The following SEPTIN12 variants were observed in gnomAD, a reference collection of about 807,000 sequenced individuals.
SEPTIN12 encodes septin 12, also known as septin-12.
Under a neutral mutation model 37.7 loss-of-function variants are expected in SEPTIN12, and 42 were observed. That is an observed-to-expected ratio of 1.11 (90% CI 0.87 to 1.44). The LOEUF is 1.44. Ranked by LOEUF, SEPTIN12 falls within the 40% of genes most tolerant of loss-of-function variation. The pLI is 0.00. For missense variants in SEPTIN12, 613 were observed against 479.2 expected, an observed-to-expected ratio of 1.28 and a Z score of -2.61; for synonymous variants, 254 against 196.7, an observed-to-expected ratio of 1.29 and a Z score of -2.44.
intron 4 of SEPTIN12, chr16:4,785,569 T>G: frequency 2.0e-5 from 9 of 456,204 alleles, no homozygotes; most frequent in East Asian, 3.9e-5. Context: ...AGGTCAGGAG[T>G]TCAAGACCAG....
At chr16:4,789,752 C>T (rs1012972731), upstream of SEPTIN12, among the ~76,000 whole-genome samples, 10 of 152,090 alleles carry the variant, frequency 6.6e-5, no homozygotes, top group African/African-American at 2.2e-4. Context: ...AACCACCATG[C>T]CCAGCCTGAT....
At position 4,777,854 on chromosome 16, in the gene SEPTIN12, G is replaced by A. The variant is rs566866658; in HGVS notation, c.1020C>T (p.Thr340=). 2.5e-6 allele frequency: 4 copies of A among 1,596,838 alleles called. No individual in the cohort carries two copies. Among genetic ancestry groups the A allele is most frequent in the East Asian group, 4.5e-5 (2 of 44,264 alleles). The part of the protein sequence containing the change: ...LAPASPGQLT[T]PRTFKVCRGA... Reference sequence around the variant, plus strand: ...CCCTGCAGACCTTGAAGGTCCGGGGGGTGGTCAGCTGTCCTGGGGAGGCCG... The same window carrying A: ...CCCTGCAGACCTTGAAGGTCCGGGGAGTGGTCAGCTGTCCTGGGGAGGCCG... Residue 340 remains threonine (T), a synonymous_variant, in exon 10 of 10, where the codon ACC becomes ACT. Transcript: ENST00000268231.
At chr16:4,778,911 G>A (rs866896203) in intron 8 of SEPTIN12, among the ~76,000 whole-genome samples, 1 of 151,648 alleles carries the variant, frequency 6.6e-6, no homozygotes, top group African/African-American at 2.4e-5. Flanking sequence ...AGGCCGAGGC[G>A]GGCAGATCAC....
upstream of SEPTIN12, chr16:4,788,421 A>G (rs1050247653): frequency 2.0e-5 from 3 of 152,604 alleles, no homozygotes; most frequent in African/African-American, 7.2e-5. Flanking sequence ...CCCCACCTGG[A>G]GGCTTCTCTG....
chr16:4,783,097 C>A (rs544706328), intron 7 of SEPTIN12, among the ~76,000 whole-genome samples: 52 of 151,838 alleles, frequency 3.4e-4, no homozygotes, highest in African/African-American at 1.2e-3. Flanking sequence ...TTGGCAGAGA[C>A]AAGGTTTCAC....
At chr16:4,790,402 C>T (rs184151342), upstream of SEPTIN12, among the ~76,000 whole-genome samples, 2 of 152,194 alleles carry the variant, frequency 1.3e-5, no homozygotes, top group African/African-American at 4.8e-5. Flanking sequence ...GAGCCCCAGG[C>T]CGACTTCTGC....
Position 4,777,798 on chromosome 16 carries a change from C to A in SEPTIN12, c.1076G>T (p.Ter359LeuextTer35). 3 of 1,545,778 alleles carry A rather than the reference C, an allele frequency of 1.9e-6. No homozygotes were observed. The highest frequency in any genetic ancestry group is 2.5e-5 in the South Asian group (2 of 81,528). Residue 359 changes from the stop codon to leucine (L), a stop_lost, in exon 10 of 10, where the codon TGA becomes TTA. Transcript: ENST00000268231. ...AGCAGCCCCGGGATCCGCCGGTGGT[C>A]AGAACTCATCATCAGAATCGTCATG... Reference protein sequence around the residue: ...GAHDDSDDEF* With the variant: ...GAHDDSDDEFL
chr16:4,791,342 A>G (rs998524076), upstream of SEPTIN12, among the ~76,000 whole-genome samples: 2 of 152,190 alleles, frequency 1.3e-5, no homozygotes, highest in Non-Finnish European at 2.9e-5. Context: ...GAAGAGGACA[A>G]AAGCCTGGAT....
chr16:4,786,683 G>A, intron 2 of SEPTIN12, among the ~76,000 whole-genome samples: 1 of 151,620 alleles, frequency 6.6e-6, no homozygotes, highest in South Asian at 2.1e-4. Context: ...TTTAAGACAG[G>A]GTCTCAATCT....
At chr16:4,784,341 A>C (rs12443636) in intron 4 of SEPTIN12, 8 of 444,332 alleles carry the variant, frequency 1.8e-5, no homozygotes, top group Non-Finnish European at 3.3e-5. Context: ...CATTAACTGT[A>C]TTAAAGGGCC....
intron 2 of SEPTIN12, 87 bp from the exon 3 acceptor site, chr16:4,786,192 G>A (rs1241158555): frequency 1.3e-6 from 2 of 1,483,806 alleles, no homozygotes; most frequent in Non-Finnish European, 1.8e-6. Flanking sequence ...TTTATTTTTG[G>A]AGACAGGTTC....
At chr16:4,779,348 G>A (rs1000773815) in intron 8 of SEPTIN12, among the ~76,000 whole-genome samples, 1 of 152,072 alleles carries the variant, frequency 6.6e-6, no homozygotes, top group Admixed American at 6.6e-5. Flanking sequence ...TGCAGTAACT[G>A]CACATAGCGG....
At chr16:4,789,324 C>A (rs1444874472), upstream of SEPTIN12, among the ~76,000 whole-genome samples, 1 of 150,492 alleles carries the variant, frequency 6.6e-6, no homozygotes. Flanking sequence ...TTCTTTTTTC[C>A]TTTTTTTCTT....
intron 8 of SEPTIN12, among the ~76,000 whole-genome samples, chr16:4,779,115 G>C (rs757945267): frequency 2.0e-5 from 3 of 152,090 alleles, no homozygotes; most frequent in Non-Finnish European, 4.4e-5. Flanking sequence ...TCCAGCTCGG[G>C]TGACACTGCG....
chr16:4,786,153 A>G (rs1184630698), intron 2 of SEPTIN12, 48 bp from the exon 3 acceptor site: 1 of 1,497,200 alleles, frequency 6.7e-7, no homozygotes, highest in African/African-American at 1.7e-5. Context: ...CGTTTTAGGC[A>G]GTTTTTCTCT....
chr16:4,784,461 A>G (rs1192373357), intron 4 of SEPTIN12, among the ~76,000 whole-genome samples: 4 of 152,194 alleles, frequency 2.6e-5, no homozygotes, highest in South Asian at 4.1e-4. Flanking sequence ...TAAGTAGCCA[A>G]ACAGATCCTT....
intron 7 of SEPTIN12, among the ~76,000 whole-genome samples, chr16:4,780,808 G>A (rs1200984378): frequency 2.6e-5 from 4 of 152,150 alleles, no homozygotes; most frequent in African/African-American, 9.7e-5. Context: ...GTGAAACCCT[G>A]TCTCTAGGAA....
chr16:4,791,120 C>G (rs77764288), upstream of SEPTIN12, among the ~76,000 whole-genome samples: 47 of 152,306 alleles, frequency 3.1e-4, no homozygotes, highest in Non-Finnish European at 6.2e-4. Flanking sequence ...AACACTTTCT[C>G]CAGGAAAATC....
chr16:4,791,703 T>G (rs1332406817), upstream of SEPTIN12, among the ~76,000 whole-genome samples: 2 of 152,160 alleles, frequency 1.3e-5, no homozygotes, highest in African/African-American at 4.8e-5. Context: ...TTTTTTGTTT[T>G]CTGAGACACA....
Sources: gnomAD v4.1 joint callset for allele counts (sites outside exome capture counted in the v4.1 genomes callset) on GRCh38, gnomAD v4.1.1 for gene constraint, MANE v1.5 for transcripts, NCBI Gene and HGNC (gene_info 2026-07-23, HGNC 2026-07-21) for gene names.